The following ATG5 variants were observed in gnomAD, a reference collection of about 807,000 sequenced individuals.
ATG5 encodes autophagy protein 5.
In ATG5, 14 loss-of-function variants were observed where a neutral mutation model predicts 36.5. That is an observed-to-expected ratio of 0.38 (90% CI 0.25 to 0.60). The LOEUF is 0.60. Among genes scored for constraint, ATG5 ranks in the 20% least tolerant of loss-of-function variants. ATG5 has a pLI of 0.60. For missense variants in ATG5, 195 were observed against 326.7 expected (o/e 0.60, Z 3.11); for synonymous variants, 95 against 101.5 (o/e 0.94, Z 0.38).
chr6:106,291,155 AC>A (rs1780291621), intron 4 of ATG5, among the ~76,000 whole-genome samples: 1 of 152,180 alleles, frequency 6.6e-6, no homozygotes, highest in African/African-American at 2.4e-5. Flanking sequence ...CCTCAAGACA[AC>A]CATATTTGGC....
chr6:106,297,828 T>C (rs752910617), intron 3 of ATG5, among the ~76,000 whole-genome samples: 1 of 151,650 alleles, frequency 6.6e-6, no homozygotes, highest in Non-Finnish European at 1.5e-5. Flanking sequence ...CCTAGCACTA[T>C]GGAAGGCTGA....
chr6:106,206,351 C>T (rs982060979), intron 6 of ATG5, among the ~76,000 whole-genome samples: 5 of 152,192 alleles, frequency 3.3e-5, no homozygotes, highest in African/African-American at 4.8e-5. Context: ...TGATCTCTGA[C>T]TTCCCAGCCT....
intron 1 of ATG5, among the ~76,000 whole-genome samples, chr6:106,321,086 G>C (rs1420335643): frequency 6.6e-6 from 1 of 152,148 alleles, no homozygotes; most frequent in Non-Finnish European, 1.5e-5. Context: ...AATAGTTAAG[G>C]GGCTTTGAAA....
At chr6:106,259,802 T>C (rs1335377166) in intron 5 of ATG5, among the ~76,000 whole-genome samples, 2 of 152,094 alleles carry the variant, frequency 1.3e-5, no homozygotes, top group African/African-American at 2.4e-5. Flanking sequence ...AACAAGAAGA[T>C]AGTTTAAGAA....
intron 3 of ATG5, among the ~76,000 whole-genome samples, chr6:106,307,634 T>G (rs1770499106): frequency 6.6e-6 from 1 of 150,820 alleles, no homozygotes; most frequent in Non-Finnish European, 1.5e-5. Context: ...CCTCCCAGGT[T>G]CAAGCATTTC....
chr6:106,237,925 T>A (rs1777962012), intron 6 of ATG5, among the ~76,000 whole-genome samples: 1 of 152,152 alleles, frequency 6.6e-6, no homozygotes, highest in Non-Finnish European at 1.5e-5. Flanking sequence ...AAAGAAGACT[T>A]CTTCTTGGGT....
intron 1 of ATG5, among the ~76,000 whole-genome samples, chr6:106,320,911 G>A (rs1299779375): frequency 6.6e-6 from 1 of 152,160 alleles, no homozygotes; most frequent in Non-Finnish European, 1.5e-5. Context: ...AGTAATTTCA[G>A]CAACTAAGGC....
At chr6:106,267,081 T>G (rs563137614) in intron 5 of ATG5, among the ~76,000 whole-genome samples, 2 of 152,326 alleles carry the variant, frequency 1.3e-5, no homozygotes, top group East Asian at 3.9e-4. Context: ...CATGATTGTA[T>G]ACTTAGAAAA....
rs143483680 is a variant in ATG5, at chr6:106,207,169, C to T, written c.574-5080G>A. On this transcript the variant is annotated intron_variant, in intron 6 of 7. Transcript: ENST00000369076. ...CAAATGTATGTTAGTCATTTCTTAACACCAAATGAAATGAAAAACTGAGGT... is the reference window on the plus strand; with the variant it reads ...CAAATGTATGTTAGTCATTTCTTAATACCAAATGAAATGAAAAACTGAGGT... Among the ~76,000 whole-genome samples, 359 of 152,248 alleles carry T rather than the reference C, an allele frequency of 2.4e-3. 1 individual carries two copies. The highest frequency in any genetic ancestry group is 8.2e-3 in the African/African-American group (340 of 41,534).
chr6:106,211,824 G>C (rs1197854382), intron 6 of ATG5, among the ~76,000 whole-genome samples: 1 of 152,136 alleles, frequency 6.6e-6, no homozygotes, highest in Non-Finnish European at 1.5e-5. Flanking sequence ...ATATTATATT[G>C]ATAATTTATG....
In ATG5 at chr6:106,279,687, T is replaced by C. The variant is rs1779799940; in HGVS notation, c.452A>G (p.Lys151Arg). 6.2e-7 allele frequency: 1 copy of C among 1,601,948 alleles called. No individual in the cohort carries two copies. The highest frequency in any genetic ancestry group is 1.7e-4 in the Middle Eastern group (1 of 5,922). The change falls in exon 5 of 8, where the codon AAG (lysine) becomes AGG (arginine). Residue 151 changes from lysine (K) to arginine (R), a missense_variant. Physicochemically the swap from Lys to Arg is conservative, Grantham distance 26. Transcript: ENST00000369076. The stretch of plus-strand genomic sequence containing the variant: ...ATTTTGCAATCCCATCCAGAGTTGC[T>C]TGTGATCTTTTTTCTGCATTTCATT... ...VINEMQKKDH[K>R]QLWMGLQNDR...
At chr6:106,226,036 T>C (rs1224806749) in intron 6 of ATG5, among the ~76,000 whole-genome samples, 4 of 152,182 alleles carry the variant, frequency 2.6e-5, no homozygotes, top group African/African-American at 9.7e-5. Context: ...CTCTCACCTA[T>C]GGGAAACCCT....
chr6:106,309,520 A>G (rs993357179), intron 2 of ATG5, among the ~76,000 whole-genome samples: 3 of 152,190 alleles, frequency 2.0e-5, no homozygotes, highest in African/African-American at 7.2e-5. Context: ...AGTATTATGC[A>G]TTCAACAGAA....
At chr6:106,269,678 A>AGGGCCGGCC (rs1779373675) in intron 5 of ATG5, among the ~76,000 whole-genome samples, 1 of 152,316 alleles carries the variant, frequency 6.6e-6, no homozygotes, top group Non-Finnish European at 1.5e-5. Context: ...CGGGGCCGGC[A>AGGGCCGGCC]GGGCCGGCCG....
At chr6:106,307,227 CTCT>C (rs1770481201) in intron 3 of ATG5, among the ~76,000 whole-genome samples, 1 of 152,230 alleles carries the variant, frequency 6.6e-6, no homozygotes, top group Non-Finnish European at 1.5e-5. Flanking sequence ...CTTTCAAAAA[CTCT>C]TCATTTTAAT....
At chr6:106,238,850 CT>C (rs1777997733) in intron 6 of ATG5, among the ~76,000 whole-genome samples, 1 of 151,936 alleles carries the variant, frequency 6.6e-6, no homozygotes, top group African/African-American at 2.4e-5. Flanking sequence ...TGATAATGAG[CT>C]TTAGGAAAAG....
chr6:106,295,564 ATTTTT>A (rs71549459), intron 3 of ATG5, among the ~76,000 whole-genome samples: 1 of 142,226 alleles, frequency 7.0e-6, no homozygotes, highest in Non-Finnish European at 1.5e-5. Flanking sequence ...AAATCAAGTA[ATTTTT>A]TTTTTTTTTT....
chr6:106,295,384 C>A (rs192824222), intron 3 of ATG5, among the ~76,000 whole-genome samples: 3 of 152,038 alleles, frequency 2.0e-5, no homozygotes, highest in African/African-American at 7.2e-5. Context: ...CAAAGAACTC[C>A]GCTAGGCAAA....
At chr6:106,310,544 C>CT (rs1470192871) in intron 2 of ATG5, among the ~76,000 whole-genome samples, 1 of 150,778 alleles carries the variant, frequency 6.6e-6, no homozygotes, top group African/African-American at 2.4e-5. Context: ...GGTTTAAGTT[C>CT]TTTTTTTTTC....
Sources: gnomAD v4.1 joint callset for allele counts (sites outside exome capture counted in the v4.1 genomes callset) on GRCh38, gnomAD v4.1.1 for gene constraint, MANE v1.5 for transcripts, NCBI Gene and HGNC (gene_info 2026-07-23, HGNC 2026-07-21) for gene names.